VPS41: variants seen among roughly 807,000 people sequenced by gnomAD.
VPS41 encodes the protein VPS41 subunit of HOPS complex.
A neutral mutation model predicts 130.9 loss-of-function variants in VPS41; 85 were observed. The ratio of observed to expected loss-of-function variants is 0.65; its 90% CI spans 0.55 to 0.78. VPS41 has a LOEUF of 0.78. VPS41 is among the 30% of genes least tolerant of loss of function. The pLI, the probability that VPS41 is intolerant of heterozygous loss-of-function variation, is 0.00. For synonymous variants in VPS41, 335 were observed against 332.9 expected, an observed-to-expected ratio of 1.01 and a Z score of -0.07; for missense variants, 874 against 1,018.7, an observed-to-expected ratio of 0.86 and a Z score of 1.93.
chr7:38,776,616 A>T (rs1338588108), intron 11 of VPS41, 63 bp downstream of exon 11: 1 of 890,274 alleles, frequency 1.1e-6, no homozygotes, highest in Non-Finnish European at 1.9e-6. Context: ...GAACAACCTG[A>T]TCTGGGTGTA....
In VPS41 at chr7:38,909,159, C is replaced by T; in HGVS notation, c.16G>A (p.Glu6Lys). 2 of 1,614,226 alleles carry T rather than the reference C, an allele frequency of 1.2e-6. No individual in the cohort carries two copies. Among genetic ancestry groups the T allele is most frequent in the Non-Finnish European group, 1.7e-6 (2 of 1,180,036 alleles). ...CTACCACCTGCACCCTTTACCTGCTCCTCTGCTTCCGCCATGGCGCCACGG... is the reference window on the plus strand; with the variant it reads ...CTACCACCTGCACCCTTTACCTGCTTCTCTGCTTCCGCCATGGCGCCACGG... MAEAE[E>K]QETGSLEEST... The change falls in exon 1 of 29, where the codon GAG becomes AAG. Residue 6 changes from glutamate to lysine, a missense_variant. By Grantham distance (56) the Glu-to-Lys change is moderately conservative (BLOSUM62 1). Transcript: ENST00000310301.
chr7:38,797,532 A>G (rs1418356250), intron 7 of VPS41, among the ~76,000 whole-genome samples: 2 of 152,242 alleles, frequency 1.3e-5, no homozygotes, highest in Non-Finnish European at 2.9e-5. Context: ...GAAGTCATAC[A>G]TTATTAAGAA....
chr7:38,758,256 A>C (rs1783843433), intron 18 of VPS41, 98 bp downstream of exon 18: 2 of 1,159,864 alleles, frequency 1.7e-6, no homozygotes, highest in Non-Finnish European at 2.4e-6. Context: ...AAAATGGTAT[A>C]AAATACATCT....
chr7:38,874,132 T>C (rs1786435118), intron 2 of VPS41, among the ~76,000 whole-genome samples: 1 of 152,210 alleles, frequency 6.6e-6, no homozygotes, highest in Admixed American at 6.5e-5. Flanking sequence ...TTTCATCTTG[T>C]TTAAACATAT....
At chr7:38,791,545 A>T (rs1784536820) in intron 9 of VPS41, among the ~76,000 whole-genome samples, 1 of 152,190 alleles carries the variant, frequency 6.6e-6, no homozygotes, top group Non-Finnish European at 1.5e-5. Flanking sequence ...GAGCAGGGGC[A>T]TCTCCTGCTA....
At chr7:38,855,893 G>C (rs1037962421) in intron 4 of VPS41, among the ~76,000 whole-genome samples, 3 of 152,174 alleles carry the variant, frequency 2.0e-5, no homozygotes, top group African/African-American at 7.2e-5. Flanking sequence ...ATATTAGTCA[G>C]CTTGAACTGC....
At position 38,726,273 on chromosome 7, in the gene VPS41, T is replaced by TCCTGGTCCACGGTTCTTAGCACTG. The variant is rs754564437; in HGVS notation, c.2514_2537dup (p.Ala840_Ser847dup). Reference sequence around the variant, plus strand: ...ATTTTTTCATCTCCAAAATTGCACTTCCTGGTCCACGGTTCTTAGCACTGC... The same window carrying TCCTGGTCCACGGTTCTTAGCACTG: ...ATTTTTTCATCTCCAAAATTGCACTTCCTGGTCCACGGTTCTTAGCACTGCCTGGTCCACGGTTCTTAGCACTGC... On this transcript the variant is annotated inframe_insertion, in exon 29 of 29. Transcript: ENST00000310301. 3,140 of 1,614,002 alleles carry TCCTGGTCCACGGTTCTTAGCACTG rather than the reference T, an allele frequency of 1.9e-3. 11 individuals are homozygous for TCCTGGTCCACGGTTCTTAGCACTG. The highest frequency in any genetic ancestry group is 1.8e-3 in the Middle Eastern group (11 of 6,062).
chr7:38,815,594 G>A (rs1267436378), intron 7 of VPS41, among the ~76,000 whole-genome samples: 1 of 152,134 alleles, frequency 6.6e-6, no homozygotes, highest in Non-Finnish European at 1.5e-5. Context: ...TGTGTCTGAG[G>A]GTGCTGCCCA....
chr7:38,742,670 A>C (rs1795903687), intron 24 of VPS41, among the ~76,000 whole-genome samples: 2 of 152,066 alleles, frequency 1.3e-5, no homozygotes, highest in Non-Finnish European at 2.9e-5. Flanking sequence ...TGCTAGTTAC[A>C]AGTGAGATTC....
chr7:38,844,000 C>G (rs1785670440), intron 4 of VPS41, among the ~76,000 whole-genome samples: 1 of 152,144 alleles, frequency 6.6e-6, no homozygotes, highest in Non-Finnish European at 1.5e-5. Flanking sequence ...AAAAGTTCAC[C>G]TCTATTTATA....
At chr7:38,821,116 C>CAGT in intron 6 of VPS41, 87 bp downstream of exon 6, 1 of 965,722 alleles carries the variant, frequency 1.0e-6, no homozygotes, top group Non-Finnish European at 1.6e-6. Context: ...AAAATTAATA[C>CAGT]AGAAGTGGTA....
chr7:38,812,028 G>A lies in VPS41; in HGVS notation c.450+5789C>T, dbSNP rs541256959. Reference sequence around the variant, plus strand: ...AGGCTAGGCTAAGATGTGATGTTCAGTAGGTTAAGTATATCAAATGCATTT... The same window carrying A: ...AGGCTAGGCTAAGATGTGATGTTCAATAGGTTAAGTATATCAAATGCATTT... On this transcript the variant is annotated intron_variant, in intron 7 of 28. Transcript: ENST00000310301. Among the ~76,000 whole-genome samples, 3 of 152,166 alleles carry A rather than the reference G, an allele frequency of 2.0e-5. No homozygotes were observed. The East Asian group carries it at 5.8e-4, about 29-fold the overall frequency.
chr7:38,740,701 T>G (rs1021174701), intron 25 of VPS41, among the ~76,000 whole-genome samples: 2 of 152,156 alleles, frequency 1.3e-5, no homozygotes, highest in South Asian at 4.1e-4. Flanking sequence ...GCATGATCTC[T>G]CACACCCCCA....
At chr7:38,828,240 A>C (rs972423020) in intron 5 of VPS41, among the ~76,000 whole-genome samples, 1 of 150,496 alleles carries the variant, frequency 6.6e-6, no homozygotes, top group Non-Finnish European at 1.5e-5. Flanking sequence ...ACTGAAACTG[A>C]ACACACACAC....
intron 3 of VPS41, among the ~76,000 whole-genome samples, chr7:38,867,555 A>T (rs751953374): frequency 6.6e-6 from 1 of 151,960 alleles, no homozygotes; most frequent in Non-Finnish European, 1.5e-5. Flanking sequence ...CAAAAAAAAA[A>T]AATAAATAAA....
intron 1 of VPS41, among the ~76,000 whole-genome samples, chr7:38,907,286 G>T (rs1787289845): frequency 6.6e-6 from 1 of 152,188 alleles, no homozygotes; most frequent in South Asian, 2.1e-4. Flanking sequence ...CCCTGAGATA[G>T]GAACCTGCCT....
rs373593442 is a variant in VPS41, at chr7:38,743,472, G to T, written c.2052C>A (p.Ile684=). Residue 684 remains isoleucine, a synonymous_variant, in exon 24 of 29, where the codon ATC becomes ATA. Coordinates refer to ENST00000310301, the MANE Select transcript of VPS41 (RefSeq NM_014396.4). The part of the protein sequence containing the change: ...MEELHDVDKA[I]EFAKEQDDGE... ...CATCATCTTGCTCCTTGGCAAATTC[G>T]ATTGCTTTATCAACATCATGTAATT... The T allele has an allele frequency of 6.2e-7, 1 of 1,613,806 alleles. No homozygotes were observed. Among genetic ancestry groups the T allele is most frequent in the African/African-American group, 1.3e-5 (1 of 74,918 alleles).
At chr7:38,810,373 T>C (rs1784919968) in intron 7 of VPS41, among the ~76,000 whole-genome samples, 1 of 150,420 alleles carries the variant, frequency 6.6e-6, no homozygotes, top group Admixed American at 6.7e-5. Flanking sequence ...TTCTGTTACA[T>C]TGCTATGTTC....
chr7:38,856,183 G>A (rs908176079), intron 4 of VPS41, among the ~76,000 whole-genome samples: 8 of 152,234 alleles, frequency 5.3e-5, no homozygotes, highest in African/African-American at 1.9e-4. Context: ...AAGAGACACA[G>A]TCTTGCTCTG....
Sources: gnomAD v4.1 joint callset for allele counts (sites outside exome capture counted in the v4.1 genomes callset) on GRCh38, gnomAD v4.1.1 for gene constraint, MANE v1.5 for transcripts, NCBI Gene and HGNC (gene_info 2026-07-23, HGNC 2026-07-21) for gene names.